The following DOCK5 variants were observed in gnomAD, a reference collection of about 807,000 sequenced individuals.
The protein encoded by DOCK5 is dedicator of cytokinesis 5.
Under a neutral mutation model 251.8 loss-of-function variants are expected in DOCK5, and 142 were observed. The ratio of observed to expected loss-of-function variants is 0.56; its 90% CI spans 0.49 to 0.65. The LOEUF is 0.65. DOCK5 is among the 30% of genes least tolerant of loss of function. The pLI is 0.00. For synonymous variants in DOCK5, 842 were observed against 835.5 expected (o/e 1.01, Z -0.13); for missense variants, 2,111 against 2,312.3 (o/e 0.91, Z 1.79).
chr8:25,230,165 G>A (rs7838093), intron 1 of DOCK5, among the ~76,000 whole-genome samples: 8,156 of 152,208 alleles, frequency 0.054, 530 homozygotes, highest in African/African-American at 0.16. Context: ...TCTGTAAAAC[G>A]AGGACTATGA....
At chr8:25,296,675 G>T (rs1804623935) in intron 7 of DOCK5, 27 bp downstream of exon 7, 1 of 1,606,740 alleles carries the variant, frequency 6.2e-7, no homozygotes, top group Non-Finnish European at 8.5e-7. Context: ...GTGAAATTCT[G>T]CCCACTGAGG....
intron 18 of DOCK5, 73 bp downstream of exon 18, chr8:25,325,620 A>C: frequency 6.4e-7 from 1 of 1,551,808 alleles, no homozygotes; most frequent in East Asian, 2.3e-5. Context: ...TTAGGCTCAC[A>C]GGGCTGGACT....
chr8:25,335,156 G>C (rs1456434607), intron 21 of DOCK5, among the ~76,000 whole-genome samples: 1 of 152,176 alleles, frequency 6.6e-6, no homozygotes, highest in Admixed American at 6.5e-5. Context: ...TAGCTGGATT[G>C]GTCCATGATC....
chr8:25,390,183 C>G, intron 41 of DOCK5, 23 bp from the exon 42 acceptor site: 3 of 1,564,960 alleles, frequency 1.9e-6, no homozygotes, highest in East Asian at 2.3e-5. Context: ...CAGCCCCTCT[C>G]CTTTCCTTAA....
intron 26 of DOCK5, among the ~76,000 whole-genome samples, chr8:25,350,902 C>T (rs6557836): frequency 0.25 from 37,748 of 152,050 alleles, 5,518 homozygotes; most frequent in African/African-American, 0.41. Context: ...ACATATGAAT[C>T]TGGAGGAGAC....
chr8:25,255,949 C>G (rs1474721328), intron 2 of DOCK5, among the ~76,000 whole-genome samples: 2 of 152,166 alleles, frequency 1.3e-5, no homozygotes, highest in Admixed American at 6.5e-5. Context: ...TTGAATGATT[C>G]AACAGAAATG....
chr8:25,267,925 T>C (rs1246565840), intron 2 of DOCK5, among the ~76,000 whole-genome samples: 2 of 151,990 alleles, frequency 1.3e-5, no homozygotes, highest in African/African-American at 2.4e-5. Flanking sequence ...TGCAGTGGTA[T>C]AATCTCGGCT....
intron 19 of DOCK5, 41 bp downstream of exon 19, chr8:25,332,389 A>G (rs374198276): frequency 3.4e-6 from 5 of 1,484,446 alleles, no homozygotes; most frequent in African/African-American, 1.4e-5. Flanking sequence ...ACATACCTAC[A>G]TATATATACC....
chr8:25,370,644 C>T (rs1328971065), intron 34 of DOCK5, among the ~76,000 whole-genome samples: 1 of 152,104 alleles, frequency 6.6e-6, no homozygotes, highest in Non-Finnish European at 1.5e-5. Flanking sequence ...ACTAGGACTA[C>T]AGGCATATGT....
chr8:25,206,992 C>T (rs1802016245), intron 1 of DOCK5, among the ~76,000 whole-genome samples: 1 of 152,172 alleles, frequency 6.6e-6, no homozygotes, highest in Non-Finnish European at 1.5e-5. Flanking sequence ...TAGCAGCTTT[C>T]CAAGTCCAGG....
At chr8:25,334,356 C>CT (rs1805751870) in intron 21 of DOCK5, among the ~76,000 whole-genome samples, 160 bp downstream of exon 21, 1 of 152,182 alleles carries the variant, frequency 6.6e-6, no homozygotes, top group Non-Finnish European at 1.5e-5. Context: ...AGGGAACCAT[C>CT]TAAGTATTCT....
rs754799894 is a variant in DOCK5 at position 25,296,529 on chromosome 8, C to G, written c.487C>G (p.Leu163Val). 1 of 1,610,224 alleles carries G rather than the reference C, an allele frequency of 6.2e-7. No homozygotes were observed. Among genetic ancestry groups the G allele is most frequent in the Non-Finnish European group, 8.5e-7 (1 of 1,178,354 alleles). The part of the protein sequence containing the change: ...DHGNRMLGLD[L>V]VVRDDNGNIL... ...TCTCTCCAGAATGCTGGGGTTAGAT[C>G]TGGTGGTGCGAGATGACAATGGGAA... The change falls in exon 7 of 52, where the codon CTG (leucine) becomes GTG (valine). Residue 163 changes from leucine to valine, a missense_variant. Leu to Val is a conservative substitution (Grantham distance 32). Transcript: ENST00000276440.
chr8:25,365,225 G>A (rs887999379), intron 30 of DOCK5, among the ~76,000 whole-genome samples: 1 of 152,206 alleles, frequency 6.6e-6, no homozygotes, highest in Middle Eastern at 3.2e-3. Flanking sequence ...GTACTTACAT[G>A]TACAGGGCCC....
intron 41 of DOCK5, among the ~76,000 whole-genome samples, chr8:25,389,596 A>C (rs1261071253): frequency 1.3e-5 from 2 of 152,228 alleles, no homozygotes; most frequent in Non-Finnish European, 2.9e-5. Context: ...AGACTTGATC[A>C]TTAAATCAGA....
rs551124626 is a variant in DOCK5, at chr8:25,205,687, G to A, written c.43+20736G>A. On this transcript the variant is annotated intron_variant, in intron 1 of 51. Coordinates refer to ENST00000276440, the MANE Select transcript of DOCK5 (RefSeq NM_024940.8). ...TGCTGTTGCTGATTCAGTTGTCAGG[G>A]CCCAAATCAGCTGGTGAACTCATGA... 2.0e-5 allele frequency among the ~76,000 whole-genome samples: 3 copies of A among 152,282 alleles called. No homozygotes were observed. In the South Asian group the frequency reaches 6.2e-4, roughly 32 times the overall value.
chr8:25,266,376 C>G (rs560302767), intron 2 of DOCK5, among the ~76,000 whole-genome samples: 1 of 151,316 alleles, frequency 6.6e-6, no homozygotes, highest in Admixed American at 6.6e-5. Context: ...CCACCACGCC[C>G]GGCTAATTTT....
At chr8:25,382,619 TC>T (rs1801088812) in intron 39 of DOCK5, 54 bp from the exon 40 acceptor site, 4 of 1,385,284 alleles carry the variant, frequency 2.9e-6, no homozygotes, top group Admixed American at 4.8e-5. Context: ...ACTTTTTTTT[TC>T]CCCCAACTGT....
intron 1 of DOCK5, among the ~76,000 whole-genome samples, chr8:25,225,334 G>A (rs1186812748): frequency 4.6e-5 from 7 of 152,162 alleles, no homozygotes; most frequent in Non-Finnish European, 7.3e-5. Context: ...AGCAAAACAT[G>A]GAAGCAACAA....
intron 26 of DOCK5, among the ~76,000 whole-genome samples, chr8:25,350,956 G>T (rs1229964657): frequency 6.6e-6 from 1 of 152,020 alleles, no homozygotes; most frequent in African/African-American, 2.4e-5. Flanking sequence ...TGAATTTCTT[G>T]TTTTTTTCCC....
Sources: gnomAD v4.1 joint callset for allele counts (sites outside exome capture counted in the v4.1 genomes callset) on GRCh38, gnomAD v4.1.1 for gene constraint, MANE v1.5 for transcripts, NCBI Gene and HGNC (gene_info 2026-07-23, HGNC 2026-07-21) for gene names.